The following PDE4B variants were observed in gnomAD, a reference collection of about 807,000 sequenced individuals.
PDE4B encodes the protein phosphodiesterase 4B, also known as 3',5'-cyclic-AMP phosphodiesterase 4B.
A neutral mutation model predicts 82.2 loss-of-function variants in PDE4B; 20 were observed. That is an observed-to-expected ratio of 0.24 (90% CI 0.17 to 0.35). PDE4B has a LOEUF of 0.35. Ranked by LOEUF, PDE4B falls within the 10% of genes least tolerant of loss-of-function variation. PDE4B has a pLI of 1.00. For missense variants in PDE4B, 655 were observed against 907.2 expected (o/e 0.72, Z 3.57); for synonymous variants, 320 against 318.9 (o/e 1.00, Z -0.04).
chr1:65,901,453 G>A (rs1646971179), intron 1 of PDE4B, among the ~76,000 whole-genome samples: 1 of 152,068 alleles, frequency 6.6e-6, no homozygotes, highest in Non-Finnish European at 1.5e-5. Context: ...GGTTATGTTG[G>A]CTTCATAGAA....
intron 3 of PDE4B, among the ~76,000 whole-genome samples, chr1:66,215,945 T>C (rs1368790008): frequency 2.6e-5 from 4 of 152,038 alleles, no homozygotes; most frequent in African/African-American, 9.7e-5. Flanking sequence ...TGGTATGAGA[T>C]TGGAGTTTTA....
At chr1:65,961,614 G>A (rs1387446151) in intron 3 of PDE4B, among the ~76,000 whole-genome samples, 2 of 152,076 alleles carry the variant, frequency 1.3e-5, no homozygotes, top group African/African-American at 4.8e-5. Flanking sequence ...GCTTTCCTAA[G>A]GTAGCATATT....
At chr1:66,167,251 G>C (rs1468313248) in intron 3 of PDE4B, among the ~76,000 whole-genome samples, 1 of 152,086 alleles carries the variant, frequency 6.6e-6, no homozygotes, top group South Asian at 2.1e-4. Flanking sequence ...CTGTACATGA[G>C]TATTCATAAA....
intron 3 of PDE4B, chr1:66,046,199 G>A (rs967286542): frequency 6.6e-6 from 1 of 151,752 alleles, no homozygotes; most frequent in Non-Finnish European, 1.5e-5. Flanking sequence ...TTAAATGTAC[G>A]TGATATGGAG....
At chr1:66,225,380 C>T (rs1651366726) in intron 3 of PDE4B, among the ~76,000 whole-genome samples, 1 of 152,212 alleles carries the variant, frequency 6.6e-6, no homozygotes, top group South Asian at 2.1e-4. Flanking sequence ...TTTTACTCTT[C>T]TCAGTCGATA....
intron 7 of PDE4B, among the ~76,000 whole-genome samples, chr1:66,312,315 A>G (rs1658731119): frequency 6.6e-6 from 1 of 152,176 alleles, no homozygotes; most frequent in Admixed American, 6.5e-5. Flanking sequence ...GCTTAAAACG[A>G]CACAAACCAA....
chr1:66,081,184 C>T (rs1415046422), intron 3 of PDE4B, among the ~76,000 whole-genome samples: 1 of 152,048 alleles, frequency 6.6e-6, no homozygotes, highest in Admixed American at 6.6e-5. Flanking sequence ...CCTTTTCCCC[C>T]ATAAAAATTG....
intron 1 of PDE4B, among the ~76,000 whole-genome samples, chr1:65,864,909 C>T (rs1355746621): frequency 6.6e-6 from 1 of 152,184 alleles, no homozygotes; most frequent in Non-Finnish European, 1.5e-5. Flanking sequence ...GGAGAATCCA[C>T]CTCATCAGTA....
chr1:66,289,007 A>G (rs993764380), intron 7 of PDE4B, among the ~76,000 whole-genome samples: 8 of 152,212 alleles, frequency 5.3e-5, no homozygotes, highest in African/African-American at 1.9e-4. Flanking sequence ...GGAAGTATTT[A>G]TGTAGATTCT....
chr1:66,185,801 T>C (rs1478582264), intron 3 of PDE4B, among the ~76,000 whole-genome samples: 1 of 151,930 alleles, frequency 6.6e-6, no homozygotes, highest in East Asian at 1.9e-4. Flanking sequence ...TTCATTCTGA[T>C]GGTAGTTTCT....
chr1:65,836,044 C>T (rs1162009276), intron 1 of PDE4B, among the ~76,000 whole-genome samples: 4 of 152,144 alleles, frequency 2.6e-5, no homozygotes, highest in African/African-American at 4.8e-5. Flanking sequence ...CGGGTTCAAG[C>T]GATTCTCCTG....
At chr1:66,252,551 A>G (rs1653868719) in intron 4 of PDE4B, among the ~76,000 whole-genome samples, 1 of 152,174 alleles carries the variant, frequency 6.6e-6, no homozygotes, top group Non-Finnish European at 1.5e-5. Flanking sequence ...TCGATATCTC[A>G]TGTAATTGAA....
intron 3 of PDE4B, among the ~76,000 whole-genome samples, chr1:66,198,999 C>G (rs1017711838): frequency 6.6e-6 from 1 of 151,926 alleles, no homozygotes; most frequent in African/African-American, 2.4e-5. Flanking sequence ...TTTTCTTAAT[C>G]CAGTCTATCG....
chr1:66,342,696 C>T (rs564851099), intron 8 of PDE4B, among the ~76,000 whole-genome samples: 1 of 149,792 alleles, frequency 6.7e-6, no homozygotes, highest in African/African-American at 2.5e-5. Context: ...ATCCACTGAA[C>T]TCCAGCCTGG....
At chr1:66,148,800 GT>G (rs1392773613) in intron 3 of PDE4B, among the ~76,000 whole-genome samples, 1 of 152,114 alleles carries the variant, frequency 6.6e-6, no homozygotes, top group Non-Finnish European at 1.5e-5. Flanking sequence ...TTAGCATAAT[GT>G]TTTTAGGGTT....
chr1:66,074,783 G>T (rs1656332128), intron 3 of PDE4B, among the ~76,000 whole-genome samples: 3 of 152,030 alleles, frequency 2.0e-5, no homozygotes, highest in Admixed American at 6.6e-5. Flanking sequence ...TGTTTTCAAG[G>T]TTCATCTATG....
chr1:65,866,415 A>G (rs1229882765), intron 1 of PDE4B, among the ~76,000 whole-genome samples: 1 of 152,224 alleles, frequency 6.6e-6, no homozygotes, highest in Non-Finnish European at 1.5e-5. Context: ...TAAAGATTAA[A>G]GCAATTTCCC....
intron 7 of PDE4B, among the ~76,000 whole-genome samples, chr1:66,323,004 C>G (rs977990056): frequency 6.6e-6 from 1 of 152,062 alleles, no homozygotes; most frequent in Non-Finnish European, 1.5e-5. Context: ...TTTAGCTAAC[C>G]TCATATTTCT....
intron 1 of PDE4B, among the ~76,000 whole-genome samples, chr1:65,822,020 TC>T (rs780459342): frequency 1.3e-4 from 20 of 152,328 alleles, no homozygotes; most frequent in Non-Finnish European, 2.4e-4. Flanking sequence ...TCCTTCTTCC[TC>T]CCTTCAAGGG....
Sources: gnomAD v4.1 joint callset for allele counts (sites outside exome capture counted in the v4.1 genomes callset) on GRCh38, gnomAD v4.1.1 for gene constraint, MANE v1.5 for transcripts, NCBI Gene and HGNC (gene_info 2026-07-23, HGNC 2026-07-21) for gene names.